Variants in SASH1 observed in about 807,000 individuals in gnomAD.
The protein encoded by SASH1 is SAM and SH3 domain containing 1.
In SASH1, 44 loss-of-function variants were observed where a neutral mutation model predicts 125.2. The observed-to-expected ratio is 0.35, with a 90% CI of 0.28 to 0.45. SASH1 has a LOEUF of 0.45. SASH1 is among the 20% of genes least tolerant of loss of function. SASH1 has a pLI of 1.00. For synonymous variants in SASH1, 639 were observed against 649.1 expected (o/e 0.98, Z 0.24); for missense variants, 1,426 against 1,614.5 (o/e 0.88, Z 2.00).
chr6:148,388,530 C>T lies in SASH1; in HGVS notation c.157-1604C>T, dbSNP rs1390802073. On this transcript the variant is annotated intron_variant, in intron 1 of 19. Coordinates refer to ENST00000367467, the MANE Select transcript of SASH1 (RefSeq NM_015278.5). ...TCTTGTCTCCACACTGTGCTAGGAA[C>T]TTTGAGGCAATCAGCTCAAATGCAG... Among the ~76,000 whole-genome samples the T allele has an allele frequency of 2.0e-5, 3 of 152,334 alleles. No individual in the cohort carries two copies. In the East Asian group the frequency reaches 5.8e-4, roughly 29 times the overall value.
chr6:148,419,898 A>T (rs1784984209), intron 2 of SASH1, among the ~76,000 whole-genome samples: 1 of 152,214 alleles, frequency 6.6e-6, no homozygotes, highest in Admixed American at 6.5e-5. Flanking sequence ...ACAAGAAAAT[A>T]CTTTAATTCT....
At chr6:148,483,199 G>A (rs1452593066) in intron 7 of SASH1, among the ~76,000 whole-genome samples, 1 of 152,140 alleles carries the variant, frequency 6.6e-6, no homozygotes, top group Admixed American at 6.5e-5. Flanking sequence ...TCCACTTATG[G>A]TGGAAGGCAG....
At chr6:148,339,855 C>T (rs1781270459), upstream of SASH1, among the ~76,000 whole-genome samples, 1 of 152,142 alleles carries the variant, frequency 6.6e-6, no homozygotes, top group South Asian at 2.1e-4. Context: ...CGTTTAATTA[C>T]ACTGATGCGG....
rs535754282 is a variant in SASH1 at position 148,297,963 on chromosome 6, A to G, written n.74+25586A>G. On this transcript the variant is annotated intron_variant and non_coding_transcript_variant, in intron 1 of 3. Transcript: ENST00000367469. ...TTTTAAGGGAAATAGCATTCATTAA[A>G]ACAGAATAGAATGAATTATTGATTT... Among the ~76,000 whole-genome samples the G allele has an allele frequency of 1.5e-4, 23 of 152,256 alleles. No individual in the cohort carries two copies. In the South Asian group the frequency reaches 4.8e-3, roughly 32 times the overall value.
chr6:148,312,092 A>C (rs1435451107), intron 1 of SASH1, among the ~76,000 whole-genome samples: 2 of 152,240 alleles, frequency 1.3e-5, no homozygotes, highest in Non-Finnish European at 2.9e-5. Flanking sequence ...GAAAAAGTCC[A>C]ACAGTAAGGA....
the SASH1 span, among the ~76,000 whole-genome samples, chr6:148,249,500 C>T: frequency 6.6e-6 from 1 of 152,206 alleles, no homozygotes; most frequent in African/African-American, 2.4e-5. Context: ...TACCAAGGTA[C>T]ACTGAGAAAA....
At chr6:148,317,280 A>G (rs1200483830) in intron 1 of SASH1, among the ~76,000 whole-genome samples, 1 of 152,220 alleles carries the variant, frequency 6.6e-6, no homozygotes, top group African/African-American at 2.4e-5. Context: ...TTGGTCCAAT[A>G]AAGAGCTCTT....
chr6:148,283,793 A>T (rs1051701801), intron 1 of SASH1, among the ~76,000 whole-genome samples: 26 of 152,096 alleles, frequency 1.7e-4, no homozygotes, highest in Admixed American at 1.4e-3. Flanking sequence ...AGTACTCCCC[A>T]CTTGTGTGTA....
At chr6:148,195,612 C>G in the SASH1 span, among the ~76,000 whole-genome samples, 7 of 152,372 alleles carry the variant, frequency 4.6e-5, no homozygotes, top group East Asian at 1.3e-3. Context: ...AGCACTGCCA[C>G]TACATGTGTC....
Position 148,525,347 on chromosome 6 carries a change from T to C in SASH1, c.1266T>C (p.Ser422=), listed in dbSNP as rs756446573. ...DLTNRSLHVG[S]NNSDPMGKEG... Reference sequence around the variant, plus strand: ...CGAATCGCTCTCTGCACGTTGGCAGTAATAATTCTGACCCAATGGTGAGTA... The same window carrying C: ...CGAATCGCTCTCTGCACGTTGGCAGCAATAATTCTGACCCAATGGTGAGTA... The change falls in exon 11 of 20, where the codon AGT becomes AGC. Residue 422 remains serine, a synonymous_variant. Coordinates refer to ENST00000367467, the MANE Select transcript of SASH1 (RefSeq NM_015278.5). 1 of 1,613,910 alleles carries C rather than the reference T, an allele frequency of 6.2e-7. No homozygotes were observed. Among genetic ancestry groups the C allele is most frequent in the Non-Finnish European group, 8.5e-7 (1 of 1,179,808 alleles).
intron 1 of SASH1, among the ~76,000 whole-genome samples, chr6:148,367,952 A>T (rs1230044833): frequency 6.6e-6 from 1 of 152,226 alleles, no homozygotes; most frequent in Admixed American, 6.5e-5. Flanking sequence ...TCAGGAAGAA[A>T]TAATGGAGTG....
At chr6:148,193,642 G>A in the SASH1 span, among the ~76,000 whole-genome samples, 2 of 152,180 alleles carry the variant, frequency 1.3e-5, no homozygotes, top group Admixed American at 6.5e-5. Flanking sequence ...TGAATAAAGT[G>A]TTTAAATATC....
intron 7 of SASH1, among the ~76,000 whole-genome samples, chr6:148,475,405 C>T (rs1182045581): frequency 6.6e-6 from 1 of 152,156 alleles, no homozygotes; most frequent in Non-Finnish European, 1.5e-5. Flanking sequence ...AGACTGTGCT[C>T]TTCTAAGATG....
intron 1 of SASH1, among the ~76,000 whole-genome samples, chr6:148,374,000 C>A (rs1177554074): frequency 9.9e-5 from 15 of 152,136 alleles, no homozygotes; most frequent in African/African-American, 3.6e-4. Context: ...ACAAGGACAA[C>A]AACAAAAAAC....
chr6:148,304,954 C>G (rs1780084635), intron 1 of SASH1, among the ~76,000 whole-genome samples: 2 of 152,020 alleles, frequency 1.3e-5, no homozygotes, highest in Admixed American at 6.6e-5. Context: ...TCGCGTGAAC[C>G]CAGGAGGTGG....
chr6:148,341,329 TG>T (rs1257782256), upstream of SASH1, among the ~76,000 whole-genome samples: 103 of 145,934 alleles, frequency 7.1e-4, no homozygotes, highest in African/African-American at 2.4e-3. Flanking sequence ...TTTTTTTTTT[TG>T]TTTTTTTTTT....
intron 1 of SASH1, among the ~76,000 whole-genome samples, chr6:148,289,846 G>GT (rs869173042): frequency 1.4e-5 from 2 of 144,146 alleles, no homozygotes; most frequent in African/African-American, 2.6e-5. Context: ...GAGGAAAATG[G>GT]TTTTTTTTGG....
chr6:148,483,110 C>T (rs773636997), intron 7 of SASH1, among the ~76,000 whole-genome samples: 3 of 152,102 alleles, frequency 2.0e-5, no homozygotes, highest in Non-Finnish European at 4.4e-5. Context: ...GACAGGGTAA[C>T]TTATAAAGAA....
intron 7 of SASH1, among the ~76,000 whole-genome samples, chr6:148,475,745 A>G (rs971704563): frequency 6.6e-6 from 1 of 152,220 alleles, no homozygotes; most frequent in Admixed American, 6.5e-5. Flanking sequence ...TCCCTCTTAC[A>G]TGCAAGGGAT....
Sources: allele counts gnomAD v4.1 joint callset (sites outside exome capture counted in the v4.1 genomes callset), GRCh38; gene constraint gnomAD v4.1.1; transcripts MANE v1.5; gene names NCBI Gene and HGNC (gene_info 2026-07-23, HGNC 2026-07-21).